DCC: variants seen among roughly 807,000 people sequenced by gnomAD.
The protein encoded by DCC is DCC netrin 1 receptor, also known as netrin receptor DCC.
Under a neutral mutation model 172.5 loss-of-function variants are expected in DCC, and 58 were observed. That is an observed-to-expected ratio of 0.34 (90% CI 0.27 to 0.42). The LOEUF (loss-of-function observed/expected upper bound fraction) is 0.42, where lower values mean the gene tolerates loss of function less well. Among genes scored for constraint, DCC ranks in the 10% least tolerant of loss-of-function variants. DCC has a pLI of 1.00. For synonymous variants in DCC, 709 were observed against 644.5 expected (o/e 1.10, Z -1.52); for missense variants, 1,740 against 1,791.0 (o/e 0.97, Z 0.51).
chr18:52,947,733 G>T (rs1206528777), intron 5 of DCC, among the ~76,000 whole-genome samples: 1 of 152,206 alleles, frequency 6.6e-6, no homozygotes, highest in Non-Finnish European at 1.5e-5. Flanking sequence ...TGCCATGCAT[G>T]CTGCCAGACA....
intron 25 of DCC, among the ~76,000 whole-genome samples, chr18:53,484,015 A>AGATATAGT (rs2045871564): frequency 2.6e-5 from 4 of 151,010 alleles, no homozygotes; most frequent in Admixed American, 1.3e-4. Context: ...AGATAGATAT[A>AGATATAGT]GTGTGTGTGT....
At chr18:52,450,620 C>T (rs1988272614) in intron 1 of DCC, among the ~76,000 whole-genome samples, 1 of 152,204 alleles carries the variant, frequency 6.6e-6, no homozygotes, top group Non-Finnish European at 1.5e-5. Flanking sequence ...GTCCAAATTA[C>T]ATATGATTAC....
intron 5 of DCC, among the ~76,000 whole-genome samples, chr18:53,036,312 T>A (rs1038606623): frequency 6.6e-6 from 1 of 152,054 alleles, no homozygotes. Context: ...AGGGCACAAT[T>A]TGAGTATCTT....
intron 20 of DCC, 24 bp from the exon 21 acceptor site, chr18:53,416,100 A>G: frequency 1.3e-6 from 2 of 1,588,530 alleles, no homozygotes; most frequent in Non-Finnish European, 1.7e-6. Context: ...AAGTCTAATA[A>G]TGTTATTTCT....
At position 53,534,954 on chromosome 18, in the gene DCC, T is replaced by C. The variant is rs2046558476; in HGVS notation, c.*4301T>C. The C allele has an allele frequency of 6.6e-6, 1 of 152,170 alleles. No homozygotes were observed. The allele number at this position is 152,170 out of a possible 1,614,324, so 9.4% of individuals were successfully genotyped here. On this transcript the variant is annotated 3_prime_UTR_variant, in exon 29 of 29. Transcript: ENST00000442544. ...TTTGTACATTGTCATCCTATGATTG[T>C]TGTTGGTAGAAGAGCAAGAGCAAAA...
At chr18:53,334,007 T>C (rs200577439) in intron 14 of DCC, among the ~76,000 whole-genome samples, 2 of 152,266 alleles carry the variant, frequency 1.3e-5, no homozygotes, top group East Asian at 3.9e-4. Context: ...AGTTACCAAG[T>C]CAAAGACCTA....
At chr18:52,867,956 C>T (rs2039254039) in intron 2 of DCC, among the ~76,000 whole-genome samples, 1 of 151,048 alleles carries the variant, frequency 6.6e-6, no homozygotes, top group South Asian at 2.1e-4. Context: ...TATTATGTGT[C>T]TTTCTTTTAA....
chr18:53,208,774 G>A (rs2055699180), intron 11 of DCC, among the ~76,000 whole-genome samples: 1 of 152,016 alleles, frequency 6.6e-6, no homozygotes, highest in Non-Finnish European at 1.5e-5. Context: ...CTGTCACCCA[G>A]GTTGGCATGC....
intron 7 of DCC, among the ~76,000 whole-genome samples, chr18:53,097,890 T>C (rs957075847): frequency 5.3e-5 from 8 of 152,166 alleles, no homozygotes; most frequent in African/African-American, 1.9e-4. Flanking sequence ...GTCTCACTGT[T>C]GTGCCCTCAC....
intron 3 of DCC, among the ~76,000 whole-genome samples, chr18:52,914,024 G>A (rs2040005984): frequency 6.6e-6 from 1 of 151,964 alleles, no homozygotes; most frequent in Non-Finnish European, 1.5e-5. Context: ...CAAATGCTTT[G>A]GTTCATTATC....
intron 1 of DCC, among the ~76,000 whole-genome samples, chr18:52,479,992 A>G (rs1156724437): frequency 6.6e-6 from 1 of 152,062 alleles, no homozygotes; most frequent in Non-Finnish European, 1.5e-5. Flanking sequence ...TGGATCATCA[A>G]TTCTATGTAA....
chr18:53,066,375 ATATATATATATATATATATATATG>A (rs1001728803), intron 7 of DCC, among the ~76,000 whole-genome samples: 41 of 62,250 alleles, frequency 6.6e-4, no homozygotes, highest in Non-Finnish European at 9.8e-4. Flanking sequence ...ATATATATAT[ATATATATATATATATATATATATG>A]TGCATGTGTG....
chr18:52,776,139 C>T (rs1228674307), intron 2 of DCC, among the ~76,000 whole-genome samples: 1 of 151,988 alleles, frequency 6.6e-6, no homozygotes, highest in Non-Finnish European at 1.5e-5. Flanking sequence ...ATTTTTGCAA[C>T]ACAACAGAGA....
chr18:52,404,685 A>G (rs1986569145), intron 1 of DCC, among the ~76,000 whole-genome samples: 1 of 151,148 alleles, frequency 6.6e-6, no homozygotes, highest in Non-Finnish European at 1.5e-5. Flanking sequence ...ATTATACTTT[A>G]AGTTTTAGGG....
At chr18:53,064,792 C>T (rs1005901472) in intron 6 of DCC, among the ~76,000 whole-genome samples, 1 of 152,224 alleles carries the variant, frequency 6.6e-6, no homozygotes, top group South Asian at 2.1e-4. Flanking sequence ...GATGTTATTT[C>T]CACTACCACT....
intron 27 of DCC, among the ~76,000 whole-genome samples, chr18:53,515,275 A>G (rs1024073322): frequency 4.9e-4 from 75 of 151,930 alleles, no homozygotes; most frequent in African/African-American, 1.7e-3. Flanking sequence ...CTCTCAATAA[A>G]TTAGGTATTG....
intron 7 of DCC, among the ~76,000 whole-genome samples, chr18:53,081,045 G>T (rs1206343210): frequency 6.6e-6 from 1 of 151,972 alleles, no homozygotes. Context: ...GAGCACTATC[G>T]CTGCCAGGAC....
chr18:52,554,965 AT>A (rs2032872960), intron 1 of DCC, among the ~76,000 whole-genome samples: 1 of 152,074 alleles, frequency 6.6e-6, no homozygotes, highest in Non-Finnish European at 1.5e-5. Flanking sequence ...AAAAGATAGA[AT>A]TTAGGCTTGG....
rs984591385 is a variant in DCC, at chr18:52,977,752, G to T, written c.985+52382G>T. On this transcript the variant is annotated intron_variant, in intron 5 of 28. Coordinates refer to ENST00000442544, the MANE Select transcript of DCC (RefSeq NM_005215.4). ...TACAAAAAATTAGCCGGACGTGGTG[G>T]CAGGCACCTGTAGTCCCAGCTACTC... Among the ~76,000 whole-genome samples the T allele has an allele frequency of 1.9e-4, 29 of 151,878 alleles. 1 individual carries two copies. The highest frequency in any genetic ancestry group is 1.9e-3 in the Admixed American group (29 of 15,246).
Sources: gnomAD v4.1 joint callset for allele counts (sites outside exome capture counted in the v4.1 genomes callset) on GRCh38, gnomAD v4.1.1 for gene constraint, MANE v1.5 for transcripts, NCBI Gene and HGNC (gene_info 2026-07-23, HGNC 2026-07-21) for gene names.